TOX3: variants seen among roughly 807,000 people sequenced by gnomAD.
TOX3 encodes the protein CAG trinucleotide repeat-containing gene F9 protein.
In TOX3, 22 loss-of-function variants were observed where a neutral mutation model predicts 64.3. That is an observed-to-expected ratio of 0.34 (90% CI 0.24 to 0.49). TOX3 has a LOEUF of 0.49. Among genes scored for constraint, TOX3 ranks in the 20% least tolerant of loss-of-function variants. The probability of loss-of-function intolerance (pLI) is 0.99; values close to 1 mark genes in which losing one functional copy is unlikely to be tolerated. For missense variants in TOX3, 661 were observed against 714.4 expected (o/e 0.93, Z 0.85); for synonymous variants, 291 against 273.6 (o/e 1.06, Z -0.63).
chr16:52,518,637 T>G (rs901094777), intron 1 of TOX3, among the ~76,000 whole-genome samples: 2 of 152,242 alleles, frequency 1.3e-5, no homozygotes, highest in African/African-American at 4.8e-5. Context: ...TTTACAAGAA[T>G]TGTCAGCAAT....
chr16:52,465,031 T>TTTTTG, intron 2 of TOX3, among the ~76,000 whole-genome samples: 1 of 124,046 alleles, frequency 8.1e-6, no homozygotes, highest in Non-Finnish European at 1.7e-5. Context: ...TTTTTTTTTT[T>TTTTTG]TGAGACAGAG....
chr16:52,519,339 A>G, intron 1 of TOX3: 1 of 1,460,696 alleles, frequency 6.8e-7, no homozygotes, highest in Non-Finnish European at 9.2e-7. Context: ...AGACAAACTG[A>G]TAAAAGACAC....
In TOX3 at chr16:52,444,535, G is replaced by A. The variant is rs1032575309; in HGVS notation, c.907-179C>T. 1.5e-4 allele frequency: 44 copies of A among 285,976 alleles called. No individual in the cohort carries two copies. The South Asian group carries it at 1.7e-3, about 11-fold the overall frequency. 17.7% of individuals were successfully genotyped at this position (285,976 alleles called of 1,614,324 possible). On this transcript the variant is annotated intron_variant, in intron 5 of 6. Transcript: ENST00000219746. ...CACACACACACACACACACACACAC[G>A]GATATTAAAACAAAACAGAACCCTG...
chr16:52,534,596 A>T (rs1962912434), intron 1 of TOX3, among the ~76,000 whole-genome samples: 5 of 152,032 alleles, frequency 3.3e-5, no homozygotes, highest in Admixed American at 3.3e-4. Flanking sequence ...TGATCACACC[A>T]CTGCACTCCA....
chr16:52,471,690 T>A (rs1321740825), intron 1 of TOX3, among the ~76,000 whole-genome samples: 1 of 152,188 alleles, frequency 6.6e-6, no homozygotes, highest in African/African-American at 2.4e-5. Context: ...CCATCCTAAC[T>A]GGAGTCATTT....
At chr16:52,485,342 T>C (rs529409773) in intron 1 of TOX3, among the ~76,000 whole-genome samples, 2 of 150,900 alleles carry the variant, frequency 1.3e-5, no homozygotes, top group South Asian at 2.1e-4. Context: ...GCAACATAGA[T>C]AGAGCTGGAG....
intron 1 of TOX3, among the ~76,000 whole-genome samples, chr16:52,524,314 A>C (rs193077444): frequency 1.3e-5 from 2 of 152,348 alleles, no homozygotes; most frequent in East Asian, 1.9e-4. Context: ...AGTTTTAAAA[A>C]ATAATTCTGA....
rs189994952 is a variant in TOX3 at position 52,460,405 on chromosome 16, T to C, written c.408+3529A>G. Among the ~76,000 whole-genome samples, 629 of 152,314 alleles carry C rather than the reference T, an allele frequency of 4.1e-3. 1 individual carries two copies. Among genetic ancestry groups the C allele is most frequent in the African/African-American group, 0.013 (528 of 41,582 alleles). ...TGTTTCTTAGATATCAAAGAGAATT[T>C]TGAAATTCATCAAAGCTAACCTTCT... On this transcript the variant is annotated intron_variant, in intron 3 of 6. Coordinates refer to ENST00000219746, the MANE Select transcript of TOX3 (RefSeq NM_001080430.4).
intron 1 of TOX3, among the ~76,000 whole-genome samples, chr16:52,487,305 G>A (rs201260546): frequency 7.8e-5 from 11 of 141,640 alleles, no homozygotes; most frequent in Admixed American, 7.1e-5. Flanking sequence ...GAGTCAGATG[G>A]AAAAAAAAAA....
chr16:52,443,656 T>C (rs751765854), intron 6 of TOX3, among the ~76,000 whole-genome samples: 4 of 152,218 alleles, frequency 2.6e-5, no homozygotes, highest in Non-Finnish European at 5.9e-5. Flanking sequence ...TAATTAAATG[T>C]TAATATCATG....
chr16:52,463,382 C>T (rs545163487), intron 3 of TOX3, among the ~76,000 whole-genome samples: 6 of 152,104 alleles, frequency 3.9e-5, no homozygotes, highest in African/African-American at 1.4e-4. Context: ...GTGCCTTAAT[C>T]GATGTTTATG....
chr16:52,450,957 C>T (rs553134921), intron 3 of TOX3, among the ~76,000 whole-genome samples: 7 of 152,244 alleles, frequency 4.6e-5, no homozygotes, highest in African/African-American at 1.7e-4. Flanking sequence ...AAGCAGAGAC[C>T]GCACCCATTT....
chr16:52,469,616 A>G (rs538909675), intron 1 of TOX3, among the ~76,000 whole-genome samples: 4 of 152,234 alleles, frequency 2.6e-5, no homozygotes, highest in Non-Finnish European at 5.9e-5. Context: ...AAATAAAGCT[A>G]GTAATTATTT....
chr16:52,478,984 A>G (rs1005186482), intron 1 of TOX3, among the ~76,000 whole-genome samples: 1 of 152,330 alleles, frequency 6.6e-6, no homozygotes. Flanking sequence ...TGCCTACAAT[A>G]TAAAAGATAC....
In TOX3 at chr16:52,489,799, C is replaced by G. The variant is rs116406363; in HGVS notation, c.88-21225G>C. Among the ~76,000 whole-genome samples the G allele has an allele frequency of 7.0e-3, 1,065 of 152,238 alleles. 13 individuals carry two copies. The highest frequency in any genetic ancestry group is 0.024 in the African/African-American group (988 of 41,540). On this transcript the variant is annotated intron_variant, in intron 1 of 6. Transcript: ENST00000219746. ...TGCTCCCACCCAGAAATCAATCACT[C>G]TATTAAATTTCCTTTCCAAAGCCAC...
chr16:52,531,149 A>ACAGAG (rs1277890258), intron 1 of TOX3, among the ~76,000 whole-genome samples: 1 of 152,234 alleles, frequency 6.6e-6, no homozygotes, highest in Non-Finnish European at 1.5e-5. Context: ...ATTAATGCAG[A>ACAGAG]CAGAGCAAGG....
chr16:52,444,313 T>C lies in TOX3; in HGVS notation c.950A>G (p.Lys317Arg). 2 of 1,590,740 alleles carry C rather than the reference T, an allele frequency of 1.3e-6. No individual in the cohort carries two copies. The highest frequency in any genetic ancestry group is 1.7e-6 in the Non-Finnish European group (2 of 1,166,852). The change falls in exon 6 of 7, where the codon AAG (lysine) becomes AGG (arginine). Residue 317 changes from lysine to arginine, a missense_variant. This residue lies in a region of TOX3 where 103 missense variants were observed against 161.2 expected (regional missense o/e 0.64). Coordinates refer to ENST00000219746, the MANE Select transcript of TOX3 (RefSeq NM_001080430.4). ...GCTGGCCCTGTATGCCGCCAGGGCC[T>C]TCAGGTATTCTTTTTTGGCAGCTTC... Reference protein sequence around the residue: ...KTEAAKKEYLKALAAYRASLV... With the variant: ...KTEAAKKEYLRALAAYRASLV...
intron 1 of TOX3, among the ~76,000 whole-genome samples, chr16:52,495,820 G>A (rs993735196): frequency 7.9e-5 from 12 of 152,084 alleles, no homozygotes; most frequent in Admixed American, 6.5e-4. Context: ...TGAGAGGGAG[G>A]AAAAGATCAT....
At chr16:52,496,211 C>A (rs1961846169) in intron 1 of TOX3, among the ~76,000 whole-genome samples, 1 of 152,122 alleles carries the variant, frequency 6.6e-6, no homozygotes, top group Non-Finnish European at 1.5e-5. Context: ...TGAGGGCAAA[C>A]AAGAGCTTAA....
Sources: gnomAD v4.1 joint callset for allele counts (sites outside exome capture counted in the v4.1 genomes callset) on GRCh38, gnomAD v4.1.1 for gene constraint, gnomAD v4.1.1 regional missense constraint, MANE v1.5 for transcripts, NCBI Gene and HGNC (gene_info 2026-07-23, HGNC 2026-07-21) for gene names.